ZER1: variants seen among roughly 807,000 people sequenced by gnomAD.
The protein encoded by ZER1 is protein zer-1 homolog.
ZER1 carries 11 observed loss-of-function variants against 78.8 expected under a neutral mutation model. The observed-to-expected ratio is 0.14, with a 90% CI of 0.09 to 0.23. The LOEUF is 0.23. Among genes scored for constraint, ZER1 ranks in the 10% least tolerant of loss-of-function variants. The probability of loss-of-function intolerance (pLI) is 1.00; values close to 1 mark genes in which losing one functional copy is unlikely to be tolerated. For missense variants in ZER1, 588 were observed against 996.9 expected, an observed-to-expected ratio of 0.59 and a Z score of 5.52; for synonymous variants, 400 against 407.0, an observed-to-expected ratio of 0.98 and a Z score of 0.21.
chr9:128,735,600 ACAAG>A, intron 13 of ZER1, among the ~76,000 whole-genome samples, 169 bp from the exon 14 acceptor site: 1 of 152,150 alleles, frequency 6.6e-6, no homozygotes, highest in South Asian at 2.1e-4. Flanking sequence ...AGGCTGCACA[ACAAG>A]GTTCCCTTGG....
intron 1 of ZER1, among the ~76,000 whole-genome samples, chr9:128,764,429 C>T (rs1006646846): frequency 6.6e-6 from 1 of 152,168 alleles, no homozygotes; most frequent in Non-Finnish European, 1.5e-5. Context: ...GGTCTGAGCC[C>T]AGTTACCTAG....
At chr9:128,762,717 C>T (rs896310312) in intron 1 of ZER1, among the ~76,000 whole-genome samples, 1 of 152,208 alleles carries the variant, frequency 6.6e-6, no homozygotes, top group Admixed American at 6.6e-5. Flanking sequence ...CTGTGCTCCC[C>T]GGCCTGGGTC....
At chr9:128,738,966 C>G (rs1040632094) in intron 13 of ZER1, among the ~76,000 whole-genome samples, 1 of 151,250 alleles carries the variant, frequency 6.6e-6, no homozygotes, top group Non-Finnish European at 1.5e-5. Context: ...ATTCTCCTGC[C>G]TCAGCCTCCT....
chr9:128,733,427 G>C lies in ZER1; in HGVS notation c.2242C>G (p.Arg748Gly), dbSNP rs774299730. ...AGAAACACACTGCTGGTCTCTTACC[G>C]GGCCATTTCCTTGGTCTCCTGCCGT... ...TARQETKEMA[R>G]KVIEHCSNFK... Residue 748 changes from arginine to glycine, a missense_variant and splice_region_variant, in exon 15 of 16, where the codon CGC becomes GGC. Physicochemically the swap from Arg to Gly is moderately radical, Grantham distance 125. Transcript: ENST00000291900. 6.2e-6 allele frequency: 10 copies of C among 1,613,584 alleles called. No individual in the cohort carries two copies. The highest frequency in any genetic ancestry group is 1.1e-5 in the South Asian group (1 of 90,930).
rs1296677389 is a variant in ZER1 at position 128,732,633 on chromosome 9, T to TA, written c.2243+792dup. Among the ~76,000 whole-genome samples, 2 of 152,186 alleles carry TA rather than the reference T, an allele frequency of 1.3e-5. No individual in the cohort carries two copies. The highest frequency in any genetic ancestry group is 4.8e-5 in the African/African-American group (2 of 41,442). Reference sequence around the variant, plus strand: ...CACCCACCTCAGCCTCCCAAAGTGCTAGGATTACAGGTGTGAGCCACTTCG... The same window carrying TA: ...CACCCACCTCAGCCTCCCAAAGTGCTAAGGATTACAGGTGTGAGCCACTTCG... On this transcript the variant is annotated intron_variant, in intron 15 of 15. Transcript: ENST00000291900. The surrounding 1 kb of genome is among the most constrained non-coding windows in gnomAD (Gnocchi z 4.8).
intron 8 of ZER1, among the ~76,000 whole-genome samples, chr9:128,747,811 G>T (rs1488335596): frequency 1.3e-5 from 2 of 152,224 alleles, no homozygotes; most frequent in South Asian, 4.2e-4. Context: ...TAGAGATAGG[G>T]TTTCACCATG....
chr9:128,748,849 G>A (rs1352206858), intron 8 of ZER1, among the ~76,000 whole-genome samples: 8 of 151,416 alleles, frequency 5.3e-5, no homozygotes, highest in Non-Finnish European at 8.8e-5. Flanking sequence ...TGGGATTACA[G>A]GTGTGAGCCA....
chr9:128,757,763 C>A (rs190910257), intron 1 of ZER1, among the ~76,000 whole-genome samples: 30 of 152,248 alleles, frequency 2.0e-4, no homozygotes, highest in African/African-American at 7.0e-4. Flanking sequence ...TCCCACAGGG[C>A]TGGCGGCAGG....
At chr9:128,738,775 G>A (rs923068614) in intron 13 of ZER1, among the ~76,000 whole-genome samples, 2 of 150,702 alleles carry the variant, frequency 1.3e-5, no homozygotes, top group African/African-American at 4.9e-5. Context: ...TCGACCTCCT[G>A]GGCTCAAGTG....
chr9:128,766,178 G>A (rs1214942118), intron 1 of ZER1, among the ~76,000 whole-genome samples: 1 of 151,666 alleles, frequency 6.6e-6, no homozygotes, highest in Non-Finnish European at 1.5e-5. Flanking sequence ...GTGAAACCCT[G>A]TCTCTACTAA....
intron 5 of ZER1, among the ~76,000 whole-genome samples, chr9:128,752,015 T>C (rs142982874): frequency 2.8e-4 from 43 of 152,340 alleles, no homozygotes; most frequent in African/African-American, 8.9e-4. Flanking sequence ...AGGCTGAGTG[T>C]TGGGTAGTTC....
At chr9:128,737,836 G>A (rs1482771570) in intron 13 of ZER1, among the ~76,000 whole-genome samples, 1 of 151,560 alleles carries the variant, frequency 6.6e-6, no homozygotes, top group Non-Finnish European at 1.5e-5. Context: ...CCAAGTAGCT[G>A]GGATTACAGG....
At position 128,736,336 on chromosome 9, in the gene ZER1, T is replaced by C. The variant is rs532610150; in HGVS notation, c.2043-905A>G. ...CCTGACCTCAAGTGATCCACCTGCC[T>C]TGGCCTCCCAAAGTGCTGGGATTAT... On this transcript the variant is annotated intron_variant, in intron 13 of 15. Coordinates refer to ENST00000291900, the MANE Select transcript of ZER1 (RefSeq NM_006336.4). Among the ~76,000 whole-genome samples, 70 of 152,260 alleles carry C rather than the reference T, an allele frequency of 4.6e-4. 1 individual carries two copies. Among genetic ancestry groups the C allele is most frequent in the Admixed American group, 1.2e-3 (18 of 15,290 alleles).
rs71381801 is a variant in ZER1, at chr9:128,738,848, A to AT, written c.2042+1082dup. On this transcript the variant is annotated intron_variant, in intron 13 of 15. Transcript: ENST00000291900. ...AGGTGTGCACCATCACACCCAGCTC[A>AT]TTTTTTTTTTTTTTTTTTTTTGAGA... 4.3e-4 allele frequency among the ~76,000 whole-genome samples: 25 copies of AT among 58,502 alleles called. 1 individual carries two copies. Among genetic ancestry groups the AT allele is most frequent in the African/African-American group, 1.1e-3 (16 of 14,968 alleles). The allele number at this position is 58,502 out of a possible 152,430, so 38.4% of individuals were successfully genotyped here. A position where few individuals can be genotyped will look rare whatever the true frequency, so the allele number is the denominator to read the frequency against.
intron 14 of ZER1, 36 bp from the exon 15 acceptor site, chr9:128,733,564 G>A: frequency 6.3e-7 from 1 of 1,586,700 alleles, no homozygotes; most frequent in Non-Finnish European, 8.6e-7. Flanking sequence ...GGATCAGGAT[G>A]GGTCTTCTTA....
At position 128,742,466 on chromosome 9, in the gene ZER1, G is replaced by C. The variant is rs1863334219; in HGVS notation, c.1575+64C>G. ...GGCCCTGCTCTGAGACTCTCGCTCA[G>C]GGTAGAGGGGTGGGGGAGAGCAGTG... On this transcript the variant is annotated intron_variant, in intron 9 of 15. Coordinates refer to ENST00000291900, the MANE Select transcript of ZER1 (RefSeq NM_006336.4). 5 of 1,588,068 alleles carry C rather than the reference G, an allele frequency of 3.1e-6. No homozygotes were observed. The South Asian group carries it at 4.5e-5, about 14-fold the overall frequency.
chr9:128,764,468 C>G lies in ZER1; in HGVS notation c.-95+7113G>C, dbSNP rs185163572. ...GCTGCTCTGCCCTTACCATGCTCCC[C>G]AAGTGGAAGAAACACCACCACGTCA... On this transcript the variant is annotated intron_variant, in intron 1 of 15. Coordinates refer to ENST00000291900, the MANE Select transcript of ZER1 (RefSeq NM_006336.4). Among the ~76,000 whole-genome samples the G allele has an allele frequency of 2.6e-5, 4 of 152,268 alleles. No homozygotes were observed. The East Asian group carries it at 7.7e-4, about 29-fold the overall frequency.
At chr9:128,756,583 C>T (rs1413162866) in intron 1 of ZER1, among the ~76,000 whole-genome samples, 3 of 152,106 alleles carry the variant, frequency 2.0e-5, no homozygotes, top group African/African-American at 7.2e-5. Flanking sequence ...AAGTAGTGAT[C>T]CATGCTATAA....
intron 1 of ZER1, among the ~76,000 whole-genome samples, chr9:128,770,921 G>C (rs1017001599): frequency 1.3e-5 from 2 of 152,174 alleles, no homozygotes; most frequent in African/African-American, 4.8e-5. Context: ...TGTATTTCCA[G>C]CACTTTTGGA....
Sources: gnomAD v4.1 joint callset for allele counts (sites outside exome capture counted in the v4.1 genomes callset) on GRCh38, gnomAD v4.1.1 for gene constraint, Gnocchi (gnomAD v3.1) non-coding constraint, MANE v1.5 for transcripts, NCBI Gene and HGNC (gene_info 2026-07-23, HGNC 2026-07-21) for gene names.